ARSH: variants seen among roughly 807,000 people sequenced by gnomAD.
ARSH encodes arylsulfatase family member H.
ARSH carries 32 observed loss-of-function variants against 28.7 expected under a neutral mutation model. The ratio of observed to expected loss-of-function variants is 1.11; its 90% confidence interval spans 0.84 to 1.50. The LOEUF (loss-of-function observed/expected upper bound fraction) is 1.50, where lower values mean the gene tolerates loss of function less well. Among genes scored for constraint, ARSH ranks in the 40% most tolerant of loss-of-function variants. ARSH has a pLI of 0.00. For missense variants in ARSH, 440 were observed against 452.4 expected (o/e 0.97, Z 0.25); for synonymous variants, 176 against 177.3 (o/e 0.99, Z 0.06).
chrX:3,013,194 C>T (rs749471202), intron 3 of ARSH, 22 bp downstream of exon 3: 2 of 1,192,916 alleles, frequency 1.7e-6, no homozygotes, highest in South Asian at 1.9e-5. Flanking sequence ...GAACTCTGCC[C>T]GTGGAAACGT....
rs1386723779 is a variant in ARSH, at chrX:3,006,637, A to G, written c.25A>G (p.Ile9Val). The G allele has an allele frequency of 2.5e-6, 3 of 1,209,304 alleles. No individual in the cohort carries two copies. Among genetic ancestry groups the G allele is most frequent in the Admixed American group, 4.4e-5 (2 of 45,565 alleles). ...TATGACAAGAAACGCCAGACCCAAC[A>G]TTGTCCTGCTGATGGCAGATGACCT... MTRNARPN[I>V]VLLMADDLGV... is the part of the protein sequence containing the mutation. The change falls in exon 1 of 9, where the codon ATT becomes GTT. Residue 9 changes from isoleucine (I) to valine (V), a missense_variant. Physicochemically the swap from Ile to Val is conservative, Grantham distance 29. Transcript: ENST00000381130.
intron 4 of ARSH, among the ~76,000 whole-genome samples, chrX:3,015,761 C>T (rs1166724733): frequency 1.8e-5 from 2 of 109,945 alleles, no homozygotes; most frequent in Non-Finnish European, 1.9e-5. Context: ...GCTCTGCTTA[C>T]CCCCTGAGTG....
intron 5 of ARSH, among the ~76,000 whole-genome samples, chrX:3,021,080 A>C (rs2089882607): frequency 9.0e-6 from 1 of 111,382 alleles, no homozygotes. Context: ...CTTGGTAACG[A>C]AATACAAACA....
chrX:3,031,944 G>C (rs934988321), intron 8 of ARSH, among the ~76,000 whole-genome samples: 8 of 111,109 alleles, frequency 7.2e-5, no homozygotes, highest in African/African-American at 2.6e-4. Flanking sequence ...GTTCCTCCAA[G>C]CATCACACCT....
chrX:3,025,402 A>G (rs2089896377), intron 6 of ARSH, among the ~76,000 whole-genome samples: 2 of 105,857 alleles, frequency 1.9e-5, no homozygotes, highest in South Asian at 7.9e-4. Context: ...AATATATAAT[A>G]CTATATATAT....
chrX:3,009,384 A>G (rs1440031592), intron 1 of ARSH, among the ~76,000 whole-genome samples: 1 of 111,276 alleles, frequency 9.0e-6, no homozygotes, highest in East Asian at 2.8e-4. Flanking sequence ...AGGCAGGAGG[A>G]TCACTTGAAT....
chrX:3,006,860 T>C (rs1413048532), intron 1 of ARSH, among the ~76,000 whole-genome samples, 156 bp downstream of exon 1: 7 of 111,343 alleles, frequency 6.3e-5, no homozygotes, highest in African/African-American at 2.0e-4. Context: ...TTGCAAAATG[T>C]CAGGAGACCA....
chrX:3,018,280 T>C (rs1450762020), intron 4 of ARSH, among the ~76,000 whole-genome samples: 2 of 112,224 alleles, frequency 1.8e-5, no homozygotes, highest in Non-Finnish European at 3.8e-5. Flanking sequence ...AATATAGGCA[T>C]GAGCCACTGT....
intron 3 of ARSH, among the ~76,000 whole-genome samples, chrX:3,013,523 T>A (rs1343904408): frequency 9.6e-6 from 1 of 103,881 alleles, no homozygotes; most frequent in Non-Finnish European, 2.0e-5. Flanking sequence ...GCATTAAGAG[T>A]TGTCAAATGG....
chrX:3,008,517 C>T (rs1427748406), intron 1 of ARSH, among the ~76,000 whole-genome samples: 1 of 60,611 alleles, frequency 1.6e-5, no homozygotes, highest in African/African-American at 6.6e-5. Context: ...TTCTTTCTTC[C>T]CTTTTTCTTT....
intron 4 of ARSH, among the ~76,000 whole-genome samples, chrX:3,017,057 C>A (rs975595568): frequency 2.7e-5 from 3 of 110,888 alleles, no homozygotes; most frequent in Non-Finnish European, 5.7e-5. Context: ...CTGTGCCCAT[C>A]AGATTCATTA....
intron 5 of ARSH, among the ~76,000 whole-genome samples, chrX:3,022,894 G>A (rs1204916426): frequency 1.8e-5 from 2 of 110,660 alleles, no homozygotes; most frequent in Non-Finnish European, 3.8e-5. Flanking sequence ...GTGTCATTTT[G>A]CAAACTGTAT....
rs186065258 is a variant in ARSH at position 3,029,474 on chromosome X, G to A, written c.1321+106G>A. Reference sequence around the variant, plus strand: ...CCATGTGCAGATATTGCCCAGCTATGATGGTTCTTTTTCGCTGAGAAAGCC... The same window carrying A: ...CCATGTGCAGATATTGCCCAGCTATAATGGTTCTTTTTCGCTGAGAAAGCC... On this transcript the variant is annotated intron_variant, in intron 8 of 8. Coordinates refer to ENST00000381130, the MANE Select transcript of ARSH (RefSeq NM_001011719.2). 18 of 1,005,677 alleles carry A rather than the reference G, an allele frequency of 1.8e-5. No homozygotes were observed. The East Asian group carries it at 5.7e-4, about 32-fold the overall frequency. 82.9% of individuals were successfully genotyped at this position (1,005,677 alleles called of 1,213,427 possible).
chrX:3,027,609 T>C lies in ARSH; in HGVS notation c.1199+134T>C, dbSNP rs2089902618. The C allele has an allele frequency of 2.2e-5, 15 of 692,175 alleles. No homozygotes were observed. In the South Asian group the frequency reaches 5.0e-4, roughly 23 times the overall value. 57.0% of individuals were successfully genotyped at this position (692,175 alleles called of 1,213,427 possible). On this transcript the variant is annotated intron_variant, in intron 7 of 8. Coordinates refer to ENST00000381130, the MANE Select transcript of ARSH (RefSeq NM_001011719.2). ...TCAATATTCTGCCCATAGGGCCAGA[T>C]GTCTTTCTCCCCTTGGTGCGTGGTG... is the stretch of plus-strand genomic sequence containing the variant.
chrX:3,014,224 G>C (rs1394733880), intron 3 of ARSH, among the ~76,000 whole-genome samples: 1 of 111,735 alleles, frequency 8.9e-6, no homozygotes, highest in Non-Finnish European at 1.9e-5. Flanking sequence ...CTATAATCAT[G>C]CCACTGCGCT....
chrX:3,012,580 T>TATATATATATATA (rs2089851845), intron 2 of ARSH, among the ~76,000 whole-genome samples: 1 of 18,243 alleles, frequency 5.5e-5, no homozygotes, highest in Admixed American at 7.6e-4. Flanking sequence ...TATATATATA[T>TATATATATATATA]ATATATATAT....
Position 3,033,197 on chromosome X carries a change from C to A in ARSH, c.1501C>A (p.Pro501Thr), listed in dbSNP as rs752829710. 1 of 1,209,366 alleles carries A rather than the reference C, an allele frequency of 8.3e-7. No individual in the cohort carries two copies. ...CCTTCCACTGAACCCTGACAATGAGCCATTATTTGACTCCGTGATCAAAAA... is the reference window on the plus strand; with the variant it reads ...CCTTCCACTGAACCCTGACAATGAGACATTATTTGACTCCGTGATCAAAAA... Reference protein sequence around the residue: ...EALPLNPDNEPLFDSVIKKME... With the variant: ...EALPLNPDNETLFDSVIKKME... Residue 501 changes from proline (P) to threonine (T), a missense_variant, in exon 9 of 9, where the codon CCA becomes ACA. Coordinates refer to ENST00000381130, the MANE Select transcript of ARSH (RefSeq NM_001011719.2).
At chrX:3,028,079 G>A (rs1454320546) in intron 7 of ARSH, among the ~76,000 whole-genome samples, 1 of 111,682 alleles carries the variant, frequency 9.0e-6, no homozygotes, top group Non-Finnish European at 1.9e-5. Context: ...CTCCAGCCTG[G>A]GTGACAGGGT....
rs2089892350 is a variant in ARSH, at chrX:3,024,127, G to A, written c.1008G>A (p.Gln336=). The A allele has an allele frequency of 4.2e-6, 5 of 1,193,977 alleles. No individual in the cohort carries two copies. Among genetic ancestry groups the A allele is most frequent in the Non-Finnish European group, 5.6e-6 (5 of 889,144 alleles). The stretch of plus-strand genomic sequence containing the variant: ...TGGAGCCCCTGGACGGGGCTGTTCA[G>A]CTGGGTGGCTGGAACGGGATCTACA... ...GHLEPLDGAV[Q]LGGWNGIYKG... The change falls in exon 6 of 9, where the codon CAG becomes CAA. Residue 336 remains glutamine (Q), a synonymous_variant. Coordinates refer to ENST00000381130, the MANE Select transcript of ARSH (RefSeq NM_001011719.2).
Sources: allele counts gnomAD v4.1 joint callset (sites outside exome capture counted in the v4.1 genomes callset), GRCh38; gene constraint gnomAD v4.1.1; transcripts MANE v1.5; gene names NCBI Gene and HGNC (gene_info 2026-07-23, HGNC 2026-07-21).